The following ANKIB1 variants were observed in gnomAD, a reference collection of about 807,000 sequenced individuals.
ANKIB1 encodes ankyrin repeat and IBR domain-containing protein 1.
ANKIB1 carries 43 observed loss-of-function variants against 122.1 expected under a neutral mutation model. The observed-to-expected ratio is 0.35, with a 90% CI of 0.28 to 0.45. The LOEUF (loss-of-function observed/expected upper bound fraction) is 0.45. ANKIB1 is among the 20% of genes least tolerant of loss of function. The pLI is 1.00. For missense variants in ANKIB1, 992 were observed against 1,329.5 expected (o/e 0.75, Z 3.95); for synonymous variants, 390 against 442.0 (o/e 0.88, Z 1.48).
chr7:92,312,380 A>T (rs1802709663), intron 3 of ANKIB1, among the ~76,000 whole-genome samples: 2 of 152,190 alleles, frequency 1.3e-5, no homozygotes, highest in Admixed American at 1.3e-4. Flanking sequence ...AGCACCTGAA[A>T]TTCTAATTTT....
chr7:92,313,695 C>T (rs180753365), intron 3 of ANKIB1, among the ~76,000 whole-genome samples: 1 of 152,252 alleles, frequency 6.6e-6, no homozygotes, highest in African/African-American at 2.4e-5. Context: ...AAATGTGGCT[C>T]TCAGACCTGC....
intron 5 of ANKIB1, among the ~76,000 whole-genome samples, chr7:92,341,384 G>T (rs968506283): frequency 1.3e-5 from 2 of 151,696 alleles, no homozygotes; most frequent in African/African-American, 4.8e-5. Context: ...AACACAATGG[G>T]CCTTAGACTC....
chr7:92,398,591 G>A lies in ANKIB1; in HGVS notation c.2912G>A (p.Gly971Asp). Residue 971 changes from glycine to aspartate, a missense_variant, in exon 20 of 20, where the codon GGC becomes GAC. Physicochemically the swap from Gly to Asp is moderately conservative, Grantham distance 94 (BLOSUM62 -1). Transcript: ENST00000265742. ...QDPNINDNLL[G>D]NIMAWFHDMN... ...CCCAACATCAATGACAATCTTCTCG[G>A]CAACATCATGGCTTGGTTTCATGAC... 6.2e-7 allele frequency: 1 copy of A among 1,613,946 alleles called. No homozygotes were observed. The highest frequency in any genetic ancestry group is 8.5e-7 in the Non-Finnish European group (1 of 1,179,864).
rs150218050 is a variant in ANKIB1 at position 92,287,876 on chromosome 7, A to G, written c.-90-7013A>G. ...TGGTGAAACCCCATCTCTACTAAAA[A>G]TACAAAAAAATTAGCCAGGCATGGC... is the stretch of plus-strand genomic sequence containing the variant. On this transcript the variant is annotated intron_variant, in intron 1 of 19. Coordinates refer to ENST00000265742, the MANE Select transcript of ANKIB1 (RefSeq NM_019004.2). Among the ~76,000 whole-genome samples the G allele has an allele frequency of 1.7e-3, 260 of 152,210 alleles. 8 individuals are homozygous for G. In the East Asian group the frequency reaches 0.048, roughly 28 times the overall value.
intron 1 of ANKIB1, among the ~76,000 whole-genome samples, chr7:92,292,572 T>G (rs1461643608): frequency 2.6e-5 from 4 of 152,350 alleles, no homozygotes; most frequent in African/African-American, 7.2e-5. Context: ...TTGTGTTTTA[T>G]TCTATCAAGG....
chr7:92,288,113 G>GA (rs921918331), intron 1 of ANKIB1, among the ~76,000 whole-genome samples: 92 of 141,408 alleles, frequency 6.5e-4, no homozygotes, highest in East Asian at 3.1e-3. Context: ...AAAAATCCAT[G>GA]AAAAAAAAAC....
At chr7:92,296,544 A>G (rs1802360411) in intron 2 of ANKIB1, among the ~76,000 whole-genome samples, 1 of 152,018 alleles carries the variant, frequency 6.6e-6, no homozygotes, top group Non-Finnish European at 1.5e-5. Context: ...ACATCTATCT[A>G]CTTAGATTGT....
At chr7:92,351,556 TA>T (rs1230037041) in intron 8 of ANKIB1, among the ~76,000 whole-genome samples, 1 of 152,140 alleles carries the variant, frequency 6.6e-6, no homozygotes, top group Non-Finnish European at 1.5e-5. Context: ...TTATAATGTT[TA>T]TTTCATCTTT....
rs749035622 is a variant in ANKIB1, at chr7:92,343,252, G to T, written c.996+20G>T. 1 of 1,592,700 alleles carries T rather than the reference G, an allele frequency of 6.3e-7. No homozygotes were observed. The highest frequency in any genetic ancestry group is 1.3e-5 in the African/African-American group (1 of 74,568). ...AGTTTGGTATGGTTTGGTATTCACT[G>T]TACTTCTCATAGCTTTGTTTATAGT... is the stretch of plus-strand genomic sequence containing the variant. On this transcript the variant is annotated intron_variant, in intron 6 of 19. Coordinates refer to ENST00000265742, the MANE Select transcript of ANKIB1 (RefSeq NM_019004.2).
At chr7:92,298,931 C>A (rs779480312) in intron 2 of ANKIB1, among the ~76,000 whole-genome samples, 15 of 152,188 alleles carry the variant, frequency 9.9e-5, no homozygotes, top group Non-Finnish European at 1.8e-4. Flanking sequence ...CAGAATACGA[C>A]GATGGCTCTG....
chr7:92,257,848 T>C (rs1057237762), intron 1 of ANKIB1, among the ~76,000 whole-genome samples: 22 of 152,126 alleles, frequency 1.4e-4, no homozygotes, highest in African/African-American at 5.1e-4. Context: ...CCATTCTAAC[T>C]CTTAAATCTG....
At chr7:92,258,516 C>T (rs1168884195) in intron 1 of ANKIB1, among the ~76,000 whole-genome samples, 1 of 152,124 alleles carries the variant, frequency 6.6e-6, no homozygotes, top group Non-Finnish European at 1.5e-5. Context: ...TTGCTGTTGT[C>T]TTTTGTATGA....
chr7:92,367,349 A>G (rs1384653972), intron 10 of ANKIB1, among the ~76,000 whole-genome samples: 1 of 152,220 alleles, frequency 6.6e-6, no homozygotes, highest in African/African-American at 2.4e-5. Context: ...TATGAAATTT[A>G]GGGCGAGGAT....
chr7:92,268,334 A>G (rs1801715869), intron 1 of ANKIB1, among the ~76,000 whole-genome samples: 1 of 152,246 alleles, frequency 6.6e-6, no homozygotes, highest in African/African-American at 2.4e-5. Flanking sequence ...TCAGGTAAAT[A>G]AAATTGGAAT....
At chr7:92,296,892 T>C (rs920701108) in intron 2 of ANKIB1, among the ~76,000 whole-genome samples, 6 of 152,138 alleles carry the variant, frequency 3.9e-5, no homozygotes, top group Non-Finnish European at 7.4e-5. Flanking sequence ...TAGGTATTTC[T>C]TTTATCTAAT....
In ANKIB1 at chr7:92,398,647, C is replaced by T; in HGVS notation, c.2968C>T (p.Pro990Ser). 1.2e-6 allele frequency: 2 copies of T among 1,613,892 alleles called. No homozygotes were observed. Among genetic ancestry groups the T allele is most frequent in the Non-Finnish European group, 1.7e-6 (2 of 1,179,852 alleles). Residue 990 changes from proline to serine, a missense_variant, in exon 20 of 20, where the codon CCA becomes TCA. This residue lies in a region of ANKIB1 where 384 missense variants were observed against 412.0 expected (regional missense o/e 0.93). Coordinates refer to ENST00000265742, the MANE Select transcript of ANKIB1 (RefSeq NM_019004.2). ...MNPQSIALIP[P>S]ATTEISADSQ... ...CCCTCAGAGTATTGCCCTGATTCCT[C>T]CAGCAACTACAGAAATCAGTGCAGA... is the stretch of plus-strand genomic sequence containing the variant.
chr7:92,385,462 C>G (rs1804616056), intron 11 of ANKIB1, among the ~76,000 whole-genome samples: 1 of 152,138 alleles, frequency 6.6e-6, no homozygotes, highest in African/African-American at 2.4e-5. Flanking sequence ...TTCACAATAG[C>G]AAAAACTTGG....
chr7:92,268,343 A>G (rs1273968911), intron 1 of ANKIB1, among the ~76,000 whole-genome samples: 1 of 152,216 alleles, frequency 6.6e-6, no homozygotes, highest in Non-Finnish European at 1.5e-5. Flanking sequence ...TAAAATTGGA[A>G]TATAATGGAA....
chr7:92,291,914 G>A (rs1802259157), intron 1 of ANKIB1, among the ~76,000 whole-genome samples: 1 of 152,040 alleles, frequency 6.6e-6, no homozygotes, highest in Non-Finnish European at 1.5e-5. Flanking sequence ...TACTTATTAA[G>A]TGCTGTGCTT....
Sources: gnomAD v4.1 joint callset for allele counts (sites outside exome capture counted in the v4.1 genomes callset) on GRCh38, gnomAD v4.1.1 for gene constraint, gnomAD v4.1.1 regional missense constraint, MANE v1.5 for transcripts, NCBI Gene and HGNC (gene_info 2026-07-23, HGNC 2026-07-21) for gene names.